GLT8D2: variants seen among roughly 807,000 people sequenced by gnomAD.
GLT8D2 encodes glycosyltransferase 8 domain-containing protein 2.
Under a neutral mutation model 44.5 loss-of-function variants are expected in GLT8D2, and 45 were observed. The ratio of observed to expected loss-of-function variants is 1.01; its 90% CI spans 0.80 to 1.30. The LOEUF (loss-of-function observed/expected upper bound fraction) is 1.30, where lower values mean the gene tolerates loss of function less well. Ranked by LOEUF, GLT8D2 falls within the 50% of genes most tolerant of loss-of-function variation. The pLI, the probability that GLT8D2 is intolerant of heterozygous loss-of-function variation, is 0.00. For missense variants in GLT8D2, 400 were observed against 430.4 expected (o/e 0.93, Z 0.62); for synonymous variants, 156 against 157.2 (o/e 0.99, Z 0.06).
At chr12:103,991,334 G>A (rs1216135547) in intron 10 of GLT8D2, among the ~76,000 whole-genome samples, 1 of 152,064 alleles carries the variant, frequency 6.6e-6, no homozygotes, top group Non-Finnish European at 1.5e-5. Context: ...TTACAGGTGT[G>A]TGCCACCATG....
chr12:104,060,738 C>G (rs1236754409), intron 1 of GLT8D2, among the ~76,000 whole-genome samples: 1 of 152,068 alleles, frequency 6.6e-6, no homozygotes, highest in African/African-American at 2.4e-5. Flanking sequence ...GCATGGGAAA[C>G]ATGGTAAAAC....
intron 3 of GLT8D2, 135 bp from the exon 4 acceptor site, chr12:104,015,240 C>T: frequency 3.1e-6 from 2 of 642,028 alleles, no homozygotes; most frequent in Non-Finnish European, 5.5e-6. Flanking sequence ...TATAAGCAGA[C>T]AGCATATAGA....
intron 1 of GLT8D2, among the ~76,000 whole-genome samples, chr12:104,058,415 C>T (rs1050356139): frequency 2.6e-5 from 4 of 152,104 alleles, no homozygotes; most frequent in East Asian, 1.9e-4. Flanking sequence ...TTTGAGTTCT[C>T]GGATATTGCT....
intron 10 of GLT8D2, among the ~76,000 whole-genome samples, chr12:103,991,692 CT>C (rs1348065319): frequency 6.6e-6 from 1 of 152,090 alleles, no homozygotes; most frequent in East Asian, 1.9e-4. Flanking sequence ...AGACACAACA[CT>C]AACTTCCCTG....
chr12:104,010,645 A>G (rs986456335), intron 4 of GLT8D2, among the ~76,000 whole-genome samples: 1 of 152,170 alleles, frequency 6.6e-6, no homozygotes, highest in African/African-American at 2.4e-5. Context: ...TAGATTTTCA[A>G]TACGATCTGA....
At chr12:104,054,800 G>A (rs370459321), upstream of GLT8D2, among the ~76,000 whole-genome samples, 6 of 152,134 alleles carry the variant, frequency 3.9e-5, no homozygotes, top group East Asian at 2.0e-4. Context: ...TGAAGCTTGC[G>A]TGTGAAGTAG....
chr12:104,045,429 G>C (rs1195134017), intron 1 of GLT8D2, among the ~76,000 whole-genome samples: 1 of 152,214 alleles, frequency 6.6e-6, no homozygotes, highest in Non-Finnish European at 1.5e-5. Context: ...GACAGACAGA[G>C]AGGTGGAGCT....
intron 5 of GLT8D2, among the ~76,000 whole-genome samples, chr12:103,999,833 T>C (rs1416219146): frequency 1.3e-5 from 2 of 152,220 alleles, no homozygotes; most frequent in Non-Finnish European, 2.9e-5. Context: ...TATAGCAGCA[T>C]CTGTGGTTGC....
chr12:103,996,228 G>A (rs1427850343), intron 8 of GLT8D2, among the ~76,000 whole-genome samples: 1 of 152,078 alleles, frequency 6.6e-6, no homozygotes, highest in East Asian at 1.9e-4. Flanking sequence ...GTTCCATCAG[G>A]GTAAGGAGAT....
chr12:104,045,469 G>A (rs534940569), intron 1 of GLT8D2, among the ~76,000 whole-genome samples: 1 of 152,310 alleles, frequency 6.6e-6, no homozygotes, highest in African/African-American at 2.4e-5. Context: ...GCAAGGCACT[G>A]GGCAGTAGCA....
intron 4 of GLT8D2, among the ~76,000 whole-genome samples, chr12:104,007,834 C>T (rs1875284338): frequency 6.6e-6 from 1 of 152,084 alleles, no homozygotes; most frequent in Non-Finnish European, 1.5e-5. Flanking sequence ...GGGTGGTTTT[C>T]CCCATACTGT....
chr12:104,003,170 A>G lies in GLT8D2; in HGVS notation c.249T>C (p.Tyr83=), dbSNP rs1188142776. 2 of 1,614,202 alleles carry G rather than the reference A, an allele frequency of 1.2e-6. No homozygotes were observed. The highest frequency in any genetic ancestry group is 8.5e-7 in the Non-Finnish European group (1 of 1,180,010). ...YSNTDANILF[Y]VVGLRNTLTR... ...TCAGAGTATTCCGGAGTCCCACTAC[A>G]TAGAACAAGATGTTGGCGTCAGTGT... Residue 83 remains tyrosine (Y), a synonymous_variant, in exon 5 of 11, where the codon TAT becomes TAC. Coordinates refer to ENST00000360814, the MANE Select transcript of GLT8D2 (RefSeq NM_001384711.1).
At chr12:103,998,039 G>T (rs6539116) in intron 6 of GLT8D2, among the ~76,000 whole-genome samples, 45,500 of 151,622 alleles carry the variant, frequency 0.3, 7,584 homozygotes, top group Non-Finnish European at 0.36. Flanking sequence ...TAGGAACTTC[G>T]AAGTTTCATT....
At chr12:104,022,825 C>T (rs1020535901) in intron 1 of GLT8D2, among the ~76,000 whole-genome samples, 1 of 152,012 alleles carries the variant, frequency 6.6e-6, no homozygotes, top group African/African-American at 2.4e-5. Context: ...TTTTGCTAAG[C>T]AGCAAGAACT....
intron 1 of GLT8D2, among the ~76,000 whole-genome samples, chr12:104,026,373 C>A (rs1878574889): frequency 6.6e-6 from 1 of 151,954 alleles, no homozygotes; most frequent in African/African-American, 2.4e-5. Flanking sequence ...AACTTTCAAC[C>A]AAACATTTCC....
chr12:103,990,762 A>G (rs1283833902), intron 10 of GLT8D2, among the ~76,000 whole-genome samples: 8 of 152,282 alleles, frequency 5.3e-5, no homozygotes, highest in Non-Finnish European at 1.2e-4. Context: ...ATAATTATCA[A>G]TCATCAGAGT....
At chr12:104,053,396 A>C (rs986429049), upstream of GLT8D2, among the ~76,000 whole-genome samples, 3 of 152,242 alleles carry the variant, frequency 2.0e-5, no homozygotes, top group Admixed American at 1.3e-4. Context: ...AAAGAAACAG[A>C]GGATATGCAT....
At chr12:104,021,131 G>A (rs955099000) in intron 2 of GLT8D2, among the ~76,000 whole-genome samples, 3 of 152,306 alleles carry the variant, frequency 2.0e-5, no homozygotes, top group Middle Eastern at 3.4e-3. Context: ...AACTGTGCAA[G>A]AATGTAGTGG....
rs144014731 is a variant in GLT8D2, at chr12:103,997,665, G to A, written c.403-130C>T. ...AGGTTTGGAGCGGAATAAAACAGGAGCTAGCAAGATGTCTCATCTGAGCTT... is the reference window on the plus strand; with the variant it reads ...AGGTTTGGAGCGGAATAAAACAGGAACTAGCAAGATGTCTCATCTGAGCTT... On this transcript the variant is annotated intron_variant, in intron 6 of 10. Transcript: ENST00000360814. 184 of 655,428 alleles carry A rather than the reference G, an allele frequency of 2.8e-4. 5 individuals carry two copies. The Middle Eastern group carries it at 0.017, about 59-fold the overall frequency. The allele number at this position is 655,428 out of a possible 1,614,324, so 40.6% of individuals were successfully genotyped here.
Sources: allele counts gnomAD v4.1 joint callset (sites outside exome capture counted in the v4.1 genomes callset), GRCh38; gene constraint gnomAD v4.1.1; transcripts MANE v1.5; gene names NCBI Gene and HGNC (gene_info 2026-07-23, HGNC 2026-07-21).